ZNF717: variants seen among roughly 807,000 people sequenced by gnomAD.
ZNF717 encodes the protein zinc finger protein 717.
A neutral mutation model predicts 13.8 loss-of-function variants in ZNF717; 9 were observed. The observed-to-expected ratio is 0.65, with a 90% confidence interval of 0.39 to 1.14. ZNF717 has a LOEUF of 1.14. ZNF717 is among the 50% of genes most tolerant of loss of function. ZNF717 has a pLI of 0.01. For missense variants in ZNF717, 1,040 were observed against 1,080.7 expected, an observed-to-expected ratio of 0.96 and a Z score of 0.53; for synonymous variants, 327 against 364.1, an observed-to-expected ratio of 0.90 and a Z score of 1.16.
rs542888282 is a variant in ZNF717, at chr3:75,738,535, CCT to C, written c.1086_1087del (p.Asp364Ter). 860 of 1,542,308 alleles carry C rather than the reference CCT, an allele frequency of 5.6e-4. 2 individuals carry two copies. In the African/African-American group the frequency reaches 7.7e-3, roughly 14 times the overall value. ...TTCAATACATTTGTAGGGTTTATCC[CCT>C]GTGTGAGTTCTCTCATGTAAAGTGA... On this transcript the variant is annotated frameshift_variant, in exon 5 of 5. Coordinates refer to ENST00000652011, the MANE Select transcript of ZNF717 (RefSeq NM_001290208.3). LOFTEE classifies it low-confidence loss of function (END_TRUNC).
intron 6 of ZNF717, among the ~76,000 whole-genome samples, chr3:75,695,567 C>T (rs1937594104): frequency 6.6e-6 from 1 of 152,296 alleles, no homozygotes; most frequent in Admixed American, 6.5e-5. Flanking sequence ...CAAGGATAGA[C>T]CATATGTTAA....
At chr3:75,784,168 C>A (rs924273079) in intron 1 of ZNF717, among the ~76,000 whole-genome samples, 2 of 152,176 alleles carry the variant, frequency 1.3e-5, no homozygotes, top group African/African-American at 4.8e-5. Context: ...ACCAACCAGG[C>A]TCAGTCAACC....
chr3:75,713,741 A>G (rs549365460), intron 5 of ZNF717, among the ~76,000 whole-genome samples: 141 of 152,290 alleles, frequency 9.3e-4, no homozygotes, highest in African/African-American at 3.3e-3. Context: ...ATAGAAATAA[A>G]GGCACAAGAC....
chr3:75,749,083 A>G (rs1175797327), intron 2 of ZNF717, among the ~76,000 whole-genome samples: 3 of 151,844 alleles, frequency 2.0e-5, no homozygotes, highest in Non-Finnish European at 2.9e-5. Flanking sequence ...GTAAGATTCC[A>G]CAGCACTGCT....
chr3:75,729,615 C>CAAA (rs369485280), downstream of ZNF717, among the ~76,000 whole-genome samples: 31 of 115,540 alleles, frequency 2.7e-4, no homozygotes, highest in South Asian at 3.4e-4. Context: ...AACTCCATAT[C>CAAA]AAAAAAAAAA....
chr3:75,718,849 G>A (rs1575720564), intron 4 of ZNF717, among the ~76,000 whole-genome samples: 3 of 152,224 alleles, frequency 2.0e-5, no homozygotes, highest in East Asian at 3.9e-4. Context: ...TTCCTCAGAG[G>A]CCACGGGCAA....
intron 6 of ZNF717, among the ~76,000 whole-genome samples, chr3:75,700,509 G>A (rs138383548): frequency 0.026 from 3,881 of 150,150 alleles, 4 homozygotes; most frequent in Non-Finnish European, 0.037. Flanking sequence ...AACAAAACTG[G>A]AGGAATTCCA....
At chr3:75,707,546 C>T (rs149750358), downstream of ZNF717, among the ~76,000 whole-genome samples, 57 of 146,002 alleles carry the variant, frequency 3.9e-4, no homozygotes, top group South Asian at 1.3e-3. Flanking sequence ...GTGTGATTTC[C>T]GCATTTCCAT....
At chr3:75,706,807 G>A (rs1430550677), downstream of ZNF717, among the ~76,000 whole-genome samples, 1 of 152,246 alleles carries the variant, frequency 6.6e-6, no homozygotes, top group Admixed American at 6.5e-5. Context: ...AGGTATGGGA[G>A]CAGATGACTC....
Position 75,738,635 on chromosome 3 carries a change from G to A in ZNF717, c.988C>T (p.Gln330Ter), listed in dbSNP as rs1939865929. The A allele has an allele frequency of 2.6e-6, 4 of 1,552,848 alleles. No individual in the cohort carries two copies. The highest frequency in any genetic ancestry group is 3.9e-5 in the Admixed American group (2 of 51,072). Residue 330 changes from glutamine (Q) to a stop codon, truncating the protein, a stop_gained, in exon 5 of 5, where the codon CAG (glutamine) becomes TAG (stop). Coordinates refer to ENST00000652011, the MANE Select transcript of ZNF717 (RefSeq NM_001290208.3). LOFTEE classifies it low-confidence loss of function (END_TRUNC). Reference protein sequence around the residue: ...FSYKSSLIIHQRIHTGEKPYG... With the variant: ...FSYKSSLIIH The stretch of plus-strand genomic sequence containing the variant: ...GGCTTTTCCCCTGTGTGAATTCTCT[G>A]ATGGATAATGAGGCTGGACTTATAG...
At chr3:75,773,640 A>G (rs1944065951) in intron 2 of ZNF717, among the ~76,000 whole-genome samples, 1 of 152,218 alleles carries the variant, frequency 6.6e-6, no homozygotes, top group Admixed American at 6.5e-5. Context: ...CTTGAACAGC[A>G]TCTTGCAAAG....
downstream of ZNF717, among the ~76,000 whole-genome samples, chr3:75,707,591 AGACAGTGGGTGCAG>A (rs1937831989): frequency 2.0e-5 from 3 of 152,280 alleles, no homozygotes; most frequent in Admixed American, 6.5e-5. Flanking sequence ...AGGGAGTGCC[AGACAGTGGGTGCAG>A]GACAGTGGGT....
intron 2 of ZNF717, among the ~76,000 whole-genome samples, chr3:75,770,747 A>G (rs1412498014): frequency 6.6e-6 from 1 of 152,156 alleles, no homozygotes; most frequent in Admixed American, 6.5e-5. Flanking sequence ...GAATTTTTTG[A>G]GCTTAAGGTA....
chr3:75,715,670 G>A (rs182732012), intron 5 of ZNF717, among the ~76,000 whole-genome samples: 1 of 151,978 alleles, frequency 6.6e-6, no homozygotes, highest in African/African-American at 2.4e-5. Context: ...TGAAGCTGTT[G>A]TAATTTATAA....
intron 1 of ZNF717, among the ~76,000 whole-genome samples, chr3:75,784,067 T>C (rs78162383): frequency 7.2e-5 from 11 of 152,194 alleles, no homozygotes; most frequent in African/African-American, 2.4e-4. Context: ...CACAGTCATA[T>C]TGTGAGGAGG....
At chr3:75,730,610 A>G in exon 6 of ZNF717, 1 of 702,384 alleles carries the variant, frequency 1.4e-6, no homozygotes, top group Non-Finnish European at 2.6e-6. Context: ...TTCACAAGAG[A>G]GATCAAACCT....
In ZNF717 at chr3:75,744,352, CAA is replaced by C. The variant is rs1207678377; in HGVS notation, c.58-2618_58-2617del. Among the ~76,000 whole-genome samples the C allele has an allele frequency of 3.0e-4, 5 of 16,946 alleles. No individual in the cohort carries two copies. In the East Asian group the frequency reaches 0.011, roughly 37 times the overall value. The allele number at this position is 16,946 out of a possible 152,430, so 11.1% of individuals were successfully genotyped here. On this transcript the variant is annotated intron_variant, in intron 2 of 4. Transcript: ENST00000652011. ...TAATTAATTTTAATAACAATCTTAA[CAA>C]ATTAATATGACACAATTAATCTTAA...
intron 2 of ZNF717, among the ~76,000 whole-genome samples, chr3:75,778,244 G>C (rs572533607): frequency 3.7e-4 from 56 of 151,598 alleles, no homozygotes; most frequent in African/African-American, 1.2e-3. Context: ...GAGCTGACGT[G>C]CTAAAACCGG....
At chr3:75,762,097 A>AAAAAG (rs151208777) in intron 2 of ZNF717, among the ~76,000 whole-genome samples, 13,358 of 57,828 alleles carry the variant, frequency 0.23, 671 homozygotes, top group African/African-American at 0.31. Flanking sequence ...AAGAAAAGAA[A>AAAAAG]AAAAGAAAAG....
Sources: gnomAD v4.1 joint callset for allele counts (sites outside exome capture counted in the v4.1 genomes callset) on GRCh38, gnomAD v4.1.1 for gene constraint, MANE v1.5 for transcripts, NCBI Gene and HGNC (gene_info 2026-07-23, HGNC 2026-07-21) for gene names.